Variants in TMEM131L observed in about 807,000 individuals in gnomAD.
TMEM131L encodes the protein transmembrane 131 like.
In TMEM131L, 54 loss-of-function variants were observed where a neutral mutation model predicts 192.2. That is an observed-to-expected ratio of 0.28 (90% CI 0.23 to 0.35). TMEM131L has a LOEUF of 0.35. TMEM131L is among the 10% of genes least tolerant of loss of function. The pLI is 1.00. For synonymous variants in TMEM131L, 701 were observed against 704.9 expected (o/e 0.99, Z 0.09); for missense variants, 1,888 against 1,972.9 (o/e 0.96, Z 0.82).
chr4:153,505,906 C>T (rs1175940455), intron 3 of TMEM131L, among the ~76,000 whole-genome samples: 1 of 151,960 alleles, frequency 6.6e-6, no homozygotes, highest in African/African-American at 2.4e-5. Context: ...GCTGCCTGGC[C>T]AGAGCAGGGG....
At position 153,549,354 on chromosome 4, in the gene TMEM131L, T is replaced by C. The variant is rs551932931; in HGVS notation, c.240-719T>C. 4.6e-5 allele frequency among the ~76,000 whole-genome samples: 7 copies of C among 152,366 alleles called. No homozygotes were observed. The South Asian group carries it at 8.3e-4, about 18-fold the overall frequency. ...AGGAGCTTCTTCAGTTAAACCTCTTTAGATTAATAGAGCTTTTAAAATGTC... is the reference window on the plus strand; with the variant it reads ...AGGAGCTTCTTCAGTTAAACCTCTTCAGATTAATAGAGCTTTTAAAATGTC... On this transcript the variant is annotated intron_variant, in intron 3 of 34. Transcript: ENST00000409959.
intron 29 of TMEM131L, 108 bp downstream of exon 29, chr4:153,623,191 TG>T: frequency 1.0e-6 from 1 of 997,792 alleles, no homozygotes; most frequent in Non-Finnish European, 1.4e-6. Flanking sequence ...AGAGGACAGA[TG>T]GGACAGTGGC....
Position 153,602,347 on chromosome 4 carries a change from T to TG in TMEM131L, c.2453+12dup. 1 of 1,607,364 alleles carries TG rather than the reference T, an allele frequency of 6.2e-7. No individual in the cohort carries two copies. The highest frequency in any genetic ancestry group is 8.5e-7 in the Non-Finnish European group (1 of 1,178,560). On this transcript the variant is annotated intron_variant, in intron 22 of 34. Coordinates refer to ENST00000409959, the MANE Select transcript of TMEM131L (RefSeq NM_001131007.2). ...CGCGATATCAGCATTGTGTAAGCATTGGGCTTTAACTTGATTTCAGTTTTG... is the reference window on the plus strand; with the variant it reads ...CGCGATATCAGCATTGTGTAAGCATTGGGGCTTTAACTTGATTTCAGTTTTG...
intron 6 of TMEM131L, among the ~76,000 whole-genome samples, chr4:153,557,596 A>T (rs2150479335): frequency 6.6e-6 from 1 of 152,302 alleles, no homozygotes; most frequent in East Asian, 1.9e-4. Context: ...CAGAAATAGG[A>T]ATCTTTACCT....
At chr4:153,529,414 T>G (rs1735731526) in intron 3 of TMEM131L, among the ~76,000 whole-genome samples, 1 of 152,250 alleles carries the variant, frequency 6.6e-6, no homozygotes, top group African/African-American at 2.4e-5. Flanking sequence ...AAGAGGAACT[T>G]TAGTCAGTGT....
At chr4:153,547,191 G>A (rs755976371) in intron 3 of TMEM131L, among the ~76,000 whole-genome samples, 67 of 152,128 alleles carry the variant, frequency 4.4e-4, no homozygotes, top group Non-Finnish European at 8.5e-4. Context: ...TCAAAATAGA[G>A]TTTTCTTTGA....
chr4:153,480,875 G>C (rs1405177453), intron 3 of TMEM131L, among the ~76,000 whole-genome samples: 2 of 152,158 alleles, frequency 1.3e-5, no homozygotes, highest in Non-Finnish European at 2.9e-5. Context: ...GCTGTCCCCA[G>C]TTCCTGTGCC....
intron 8 of TMEM131L, 30 bp downstream of exon 8, chr4:153,580,933 T>G (rs1730290092): frequency 7.0e-7 from 1 of 1,429,614 alleles, no homozygotes; most frequent in Admixed American, 1.7e-5. Context: ...GTTTTCTCTC[T>G]GCTTTCCTCC....
chr4:153,527,801 G>A (rs1735606196), intron 3 of TMEM131L, among the ~76,000 whole-genome samples: 1 of 152,184 alleles, frequency 6.6e-6, no homozygotes, highest in South Asian at 2.1e-4. Context: ...AGCCTGGAGT[G>A]TCATCTTGGG....
At chr4:153,469,250 A>G (rs1730982217) in intron 2 of TMEM131L, among the ~76,000 whole-genome samples, 1 of 151,754 alleles carries the variant, frequency 6.6e-6, no homozygotes, top group Middle Eastern at 3.2e-3. Context: ...CTTCATCCAT[A>G]TCTCTACGTA....
intron 7 of TMEM131L, among the ~76,000 whole-genome samples, chr4:153,569,674 A>G (rs1288760352): frequency 6.6e-6 from 1 of 152,208 alleles, no homozygotes; most frequent in Non-Finnish European, 1.5e-5. Flanking sequence ...TAGCCAAGTT[A>G]CCTAATCTCC....
chr4:153,636,506 G>A lies in TMEM131L; in HGVS notation c.4763G>A (p.Trp1588Ter). ...CGCGCCTATATGAACCTGGACATAT[G>A]GACTACCACAGCGAATAGGAATGCA... ...PFRAYMNLDI[W>*]TTTANRNANF... is the part of the protein sequence containing the mutation. The change falls in exon 35 of 35, where the codon TGG becomes TAG. Residue 1588 changes from tryptophan to a stop codon, truncating the protein, a stop_gained. Coordinates refer to ENST00000409959, the MANE Select transcript of TMEM131L (RefSeq NM_001131007.2). LOFTEE classifies it high-confidence loss of function. 1 of 1,614,098 alleles carries A rather than the reference G, an allele frequency of 6.2e-7. No homozygotes were observed. Among genetic ancestry groups the A allele is most frequent in the South Asian group, 1.1e-5 (1 of 91,080 alleles).
intron 3 of TMEM131L, among the ~76,000 whole-genome samples, chr4:153,494,791 G>A (rs569671917): frequency 9.8e-5 from 15 of 152,326 alleles, no homozygotes; most frequent in East Asian, 1.9e-4. Flanking sequence ...ACAGCTCTCC[G>A]TCGGGAGCGC....
At position 153,603,814 on chromosome 4, in the gene TMEM131L, G is replaced by A. The variant is rs944024796; in HGVS notation, c.2802G>A (p.Lys934=). ...ISPHSYKSNC[K]NFLDTYGPSD... Reference sequence around the variant, plus strand: ...TTCTTAAATTCAGAAGCAATTGCAAGAACTTTCTCGATACATATGGCCCCT... The same window carrying A: ...TTCTTAAATTCAGAAGCAATTGCAAAAACTTTCTCGATACATATGGCCCCT... The change falls in exon 25 of 35, where the codon AAG becomes AAA. Residue 934 remains lysine, a synonymous_variant. Transcript: ENST00000409959. The A allele has an allele frequency of 6.3e-7, 1 of 1,577,594 alleles. No individual in the cohort carries two copies. The highest frequency in any genetic ancestry group is 8.6e-7 in the Non-Finnish European group (1 of 1,167,722).
intron 20 of TMEM131L, among the ~76,000 whole-genome samples, chr4:153,596,629 T>C (rs1253053703): frequency 6.6e-6 from 1 of 152,232 alleles, no homozygotes; most frequent in African/African-American, 2.4e-5. Context: ...GAGGTAGTGC[T>C]TTCCACACAG....
At chr4:153,509,731 C>T (rs947103255) in intron 3 of TMEM131L, among the ~76,000 whole-genome samples, 6 of 152,192 alleles carry the variant, frequency 3.9e-5, no homozygotes, top group Non-Finnish European at 8.8e-5. Flanking sequence ...AACTCCCAAA[C>T]ACCTCATTTT....
chr4:153,593,741 ATCTT>A (rs983889563), intron 18 of TMEM131L, 54 bp from the exon 19 acceptor site: 12 of 1,122,298 alleles, frequency 1.1e-5, no homozygotes, highest in African/African-American at 7.6e-5. Flanking sequence ...CACTTATTAA[ATCTT>A]TCTTTACTGG....
chr4:153,492,959 T>G (rs1732891405), intron 3 of TMEM131L, among the ~76,000 whole-genome samples: 1 of 151,780 alleles, frequency 6.6e-6, no homozygotes, highest in Non-Finnish European at 1.5e-5. Context: ...GGCTGGGAGA[T>G]CAGATGGTGA....
chr4:153,575,417 T>A (rs1729867757), intron 7 of TMEM131L, among the ~76,000 whole-genome samples: 1 of 152,196 alleles, frequency 6.6e-6, no homozygotes, highest in African/African-American at 2.4e-5. Context: ...CTAATATATA[T>A]CCCTGTGTTG....
Sources: allele counts gnomAD v4.1 joint callset (sites outside exome capture counted in the v4.1 genomes callset), GRCh38; gene constraint gnomAD v4.1.1; transcripts MANE v1.5; gene names NCBI Gene and HGNC (gene_info 2026-07-23, HGNC 2026-07-21).